The following EFCAB7 variants were observed in gnomAD, a reference collection of about 807,000 sequenced individuals.
EFCAB7 encodes EF-hand calcium-binding domain-containing protein 7.
Under a neutral mutation model 77.1 loss-of-function variants are expected in EFCAB7, and 66 were observed. That is an observed-to-expected ratio of 0.86 (90% confidence interval 0.70 to 1.05). The LOEUF is 1.05. Ranked by LOEUF, EFCAB7 falls within the 50% of genes least tolerant of loss-of-function variation. The pLI is 0.00. For missense variants in EFCAB7, 638 were observed against 730.5 expected, an observed-to-expected ratio of 0.87 and a Z score of 1.46; for synonymous variants, 225 against 243.3, an observed-to-expected ratio of 0.92 and a Z score of 0.70.
At chr1:63,559,510 C>T (rs1052055177) in intron 10 of EFCAB7, among the ~76,000 whole-genome samples, 1 of 151,986 alleles carries the variant, frequency 6.6e-6, no homozygotes, top group Non-Finnish European at 1.5e-5. Flanking sequence ...TAGCCTAGGA[C>T]GGAGTGTAGT....
the EFCAB7 span, among the ~76,000 whole-genome samples, chr1:63,581,882 T>G: frequency 6.6e-6 from 1 of 152,226 alleles, no homozygotes; most frequent in Admixed American, 6.5e-5. Flanking sequence ...AAAGTTAAAA[T>G]TTATCAAAAT....
At position 63,525,890 on chromosome 1, in the gene EFCAB7, A is replaced by G. The variant is rs893094448; in HGVS notation, c.187+131A>G. The G allele has an allele frequency of 8.0e-6, 5 of 622,572 alleles. No individual in the cohort carries two copies. In the African/African-American group the frequency reaches 9.6e-5, roughly 12 times the overall value. The allele number at this position is 622,572 out of a possible 1,614,324, so 38.6% of individuals were successfully genotyped here. On this transcript the variant is annotated intron_variant, in intron 2 of 13. Transcript: ENST00000371088. Reference sequence around the variant, plus strand: ...AGTGAAGCTTGAGCAATGGAACTACAGTAAGCTATTATGTCATATCATATA... The same window carrying G: ...AGTGAAGCTTGAGCAATGGAACTACGGTAAGCTATTATGTCATATCATATA...
intron 6 of EFCAB7, among the ~76,000 whole-genome samples, chr1:63,536,183 T>C (rs913180202): frequency 6.6e-6 from 1 of 152,230 alleles, no homozygotes. Context: ...GAGTTTCATA[T>C]AAAATGTAAT....
At chr1:63,546,162 C>T (rs1646896036) in intron 7 of EFCAB7, 105 bp downstream of exon 7, 1 of 1,227,768 alleles carries the variant, frequency 8.1e-7, no homozygotes, top group African/African-American at 1.5e-5. Flanking sequence ...AAATAATCTG[C>T]CTAAGTAAGA....
At position 63,525,595 on chromosome 1, in the gene EFCAB7, A is replaced by G. The variant is rs1190291868; in HGVS notation, c.23A>G (p.Asp8Gly). 6.4e-7 allele frequency: 1 copy of G among 1,570,596 alleles called. No homozygotes were observed. The highest frequency in any genetic ancestry group is 8.6e-7 in the Non-Finnish European group (1 of 1,168,912). Residue 8 changes from aspartate (D) to glycine (G), a missense_variant, in exon 2 of 14, where the codon GAT becomes GGT. By Grantham distance (94) the Asp-to-Gly change is moderately conservative. Transcript: ENST00000371088. MAISPRS[D>G]ATFSSQKSTP... ...AGAATGGCGATCAGTCCACGAAGCG[A>G]TGCAACTTTCTCCAGTCAGAAATCA...
chr1:63,571,863 A>G (rs1034061197), intron 13 of EFCAB7, among the ~76,000 whole-genome samples: 1 of 152,092 alleles, frequency 6.6e-6, no homozygotes, highest in Admixed American at 6.6e-5. Context: ...AAGATTTTCT[A>G]AAGTATCCTG....
Position 63,534,189 on chromosome 1 carries a change from A to C in EFCAB7, c.777A>C (p.Ser259=). The part of the protein sequence containing the change: ...VTMGANGNRN[S]KLMEPNLIKD... Reference sequence around the variant, plus strand: ...TGGGGGCTAATGGTAACCGAAACTCAAAGTTAATGGAGCCAAATTTAATAA... The same window carrying C: ...TGGGGGCTAATGGTAACCGAAACTCCAAGTTAATGGAGCCAAATTTAATAA... Residue 259 remains serine (S), a synonymous_variant, in exon 6 of 14, where the codon TCA becomes TCC. Coordinates refer to ENST00000371088, the MANE Select transcript of EFCAB7 (RefSeq NM_032437.4). 1.9e-6 allele frequency: 3 copies of C among 1,612,982 alleles called. No homozygotes were observed. Among genetic ancestry groups the C allele is most frequent in the South Asian group, 2.2e-5 (2 of 90,952 alleles).
At chr1:63,551,917 T>C in intron 8 of EFCAB7, 83 bp downstream of exon 8, 1 of 802,256 alleles carries the variant, frequency 1.2e-6, no homozygotes, top group Non-Finnish European at 1.8e-6. Context: ...TGTATTTTAT[T>C]TTTTAAGCTT....
intron 10 of EFCAB7, among the ~76,000 whole-genome samples, 199 bp downstream of exon 10, chr1:63,557,446 T>G (rs1647045865): frequency 6.6e-6 from 1 of 152,190 alleles, no homozygotes; most frequent in African/African-American, 2.4e-5. Flanking sequence ...ATACTCAAGT[T>G]AAAAGAAAGT....
chr1:63,551,034 TTTGGGG>T (rs929474835), intron 7 of EFCAB7: 1 of 152,102 alleles, frequency 6.6e-6, no homozygotes, highest in African/African-American at 2.4e-5. Flanking sequence ...AGATATAAAT[TTTGGGG>T]TTGTCAGCAC....
In EFCAB7 at chr1:63,529,417, G is replaced by T. The variant is rs184846772; in HGVS notation, c.188-2403G>T. On this transcript the variant is annotated intron_variant, in intron 2 of 13. Coordinates refer to ENST00000371088, the MANE Select transcript of EFCAB7 (RefSeq NM_032437.4). ...CAGTCAGATGTAGACTTCCTATTTA[G>T]ATTATAAAATTTCTTGCCAGGCGCG... Among the ~76,000 whole-genome samples, 108 of 152,152 alleles carry T rather than the reference G, an allele frequency of 7.1e-4. 1 individual carries two copies. The highest frequency in any genetic ancestry group is 1.3e-3 in the Non-Finnish European group (87 of 67,996).
Position 63,532,786 on chromosome 1 carries a change from C to T in EFCAB7, c.486+30C>T, listed in dbSNP as rs773151222. On this transcript the variant is annotated intron_variant, in intron 4 of 13. Coordinates refer to ENST00000371088, the MANE Select transcript of EFCAB7 (RefSeq NM_032437.4). ...ATAAGCTCACATTGATGTAAATTTA[C>T]ATACTGTGTTGGAAAAGTGTTTTTA... is the stretch of plus-strand genomic sequence containing the variant. 2.6e-6 allele frequency: 4 copies of T among 1,540,526 alleles called. No individual in the cohort carries two copies. The Admixed American group carries it at 7.6e-5, about 29-fold the overall frequency.
At chr1:63,543,191 G>C (rs375569532) in intron 6 of EFCAB7, among the ~76,000 whole-genome samples, 3 of 152,238 alleles carry the variant, frequency 2.0e-5, no homozygotes, top group Admixed American at 6.5e-5. Context: ...TTGTTGAAAA[G>C]ACTGTCCTTG....
rs763690987 is a variant in EFCAB7 at position 63,540,835 on chromosome 1, TA to T, written c.805-5079del. 6.0e-5 allele frequency among the ~76,000 whole-genome samples: 9 copies of T among 149,076 alleles called. No individual in the cohort carries two copies. The East Asian group carries it at 7.9e-4, about 13-fold the overall frequency. ...GAAAGCTTGAGTATAGTTCAGTTTA[TA>T]ATGATAAAATCTTAAAATGCAGTTT... On this transcript the variant is annotated intron_variant, in intron 6 of 13. Coordinates refer to ENST00000371088, the MANE Select transcript of EFCAB7 (RefSeq NM_032437.4).
Position 63,572,634 on chromosome 1 carries a change from G to T in EFCAB7, c.*118G>T. On this transcript the variant is annotated 3_prime_UTR_variant, in exon 14 of 14. Transcript: ENST00000371088. ...AAATAATAATCTATTCAATTTATATGCATTTTCATTTTATGTCCATGGTAT... is the reference window on the plus strand; with the variant it reads ...AAATAATAATCTATTCAATTTATATTCATTTTCATTTTATGTCCATGGTAT... 1 of 1,120,910 alleles carries T rather than the reference G, an allele frequency of 8.9e-7. No homozygotes were observed. Among genetic ancestry groups the T allele is most frequent in the Non-Finnish European group, 1.2e-6 (1 of 863,574 alleles). The allele number at this position is 1,120,910 out of a possible 1,614,324, so 69.4% of individuals were successfully genotyped here.
At chr1:63,570,795 A>C (rs550343181) in intron 12 of EFCAB7, 1 of 323,176 alleles carries the variant, frequency 3.1e-6, no homozygotes, top group Non-Finnish European at 5.7e-6. Flanking sequence ...TTAAAAGGTA[A>C]GTAAGTTTAA....
At chr1:63,556,960 C>T (rs1464278316) in intron 9 of EFCAB7, among the ~76,000 whole-genome samples, 154 bp from the exon 10 acceptor site, 1 of 151,186 alleles carries the variant, frequency 6.6e-6, no homozygotes, top group African/African-American at 2.4e-5. Context: ...ATGGCGTGAA[C>T]CCAGGAGGCG....
At chr1:63,528,150 A>G (rs2100863670) in intron 2 of EFCAB7, among the ~76,000 whole-genome samples, 1 of 152,314 alleles carries the variant, frequency 6.6e-6, no homozygotes, top group East Asian at 1.9e-4. Flanking sequence ...ACTATTCACA[A>G]TAGCCCAAAT....
intron 7 of EFCAB7, chr1:63,549,240 T>C (rs935203102): frequency 2.8e-5 from 12 of 424,756 alleles, no homozygotes; most frequent in Non-Finnish European, 4.7e-5. Flanking sequence ...TTAATAATGA[T>C]AGAATGAAGA....
Sources: allele counts gnomAD v4.1 joint callset (sites outside exome capture counted in the v4.1 genomes callset), GRCh38; gene constraint gnomAD v4.1.1; transcripts MANE v1.5; gene names NCBI Gene and HGNC (gene_info 2026-07-23, HGNC 2026-07-21).